The following PRR16 variants were observed in gnomAD, a reference collection of about 807,000 sequenced individuals.
The protein encoded by PRR16 is protein Largen.
PRR16 carries 6 observed loss-of-function variants against 18.2 expected under a neutral mutation model. The ratio of observed to expected loss-of-function variants is 0.33; its 90% confidence interval spans 0.18 to 0.65. The LOEUF is 0.65. Among genes scored for constraint, PRR16 ranks in the 30% least tolerant of loss-of-function variants. The probability of loss-of-function intolerance (pLI) is 0.74; values close to 1 mark genes in which losing one functional copy is unlikely to be tolerated. For synonymous variants in PRR16, 151 were observed against 147.8 expected, an observed-to-expected ratio of 1.02 and a Z score of -0.16; for missense variants, 412 against 376.6, an observed-to-expected ratio of 1.09 and a Z score of -0.78.
chr5:120,664,682 A>G lies in PRR16; in HGVS notation c.160-21272A>G, dbSNP rs1220446823. 2.6e-5 allele frequency among the ~76,000 whole-genome samples: 4 copies of G among 151,812 alleles called. 1 individual carries two copies. The highest frequency in any genetic ancestry group is 2.6e-4 in the Admixed American group (4 of 15,226). On this transcript the variant is annotated intron_variant, in intron 1 of 1. Coordinates refer to ENST00000407149, the MANE Select transcript of PRR16 (RefSeq NM_001300783.2). Reference sequence around the variant, plus strand: ...TCCATGTGTTCTCATTGTTCAATTCACGTCTATGAGTGAGAACATGCAGTG... The same window carrying G: ...TCCATGTGTTCTCATTGTTCAATTCGCGTCTATGAGTGAGAACATGCAGTG...
intron 1 of PRR16, among the ~76,000 whole-genome samples, chr5:120,545,283 A>G (rs1458148187): frequency 6.6e-6 from 1 of 152,126 alleles, no homozygotes. Flanking sequence ...GTTAGATAAT[A>G]ATTATACGTG....
At chr5:120,635,717 G>T (rs1182745437) in intron 1 of PRR16, among the ~76,000 whole-genome samples, 1 of 152,090 alleles carries the variant, frequency 6.6e-6, no homozygotes, top group Non-Finnish European at 1.5e-5. Context: ...ACAAGACAAG[G>T]ATGCTCACTT....
chr5:120,707,740 GAAGAA>G, the PRR16 span, among the ~76,000 whole-genome samples: 4 of 152,172 alleles, frequency 2.6e-5, no homozygotes, highest in Admixed American at 6.5e-5. Flanking sequence ...GATAGGGGAA[GAAGAA>G]AAGAACAAGT....
chr5:120,737,247 G>C, the PRR16 span, among the ~76,000 whole-genome samples: 2 of 149,384 alleles, frequency 1.3e-5, no homozygotes, highest in African/African-American at 4.9e-5. Flanking sequence ...GTTAGCTGTG[G>C]CTTTTACATA....
At chr5:120,724,318 A>C in the PRR16 span, among the ~76,000 whole-genome samples, 4 of 152,092 alleles carry the variant, frequency 2.6e-5, no homozygotes, top group African/African-American at 9.7e-5. Flanking sequence ...CAAGCGTTCA[A>C]ATTCTAACTC....
At chr5:120,585,196 A>G (rs970780663) in intron 1 of PRR16, among the ~76,000 whole-genome samples, 5 of 152,236 alleles carry the variant, frequency 3.3e-5, no homozygotes, top group Admixed American at 2.0e-4. Context: ...ATTGAGGGCT[A>G]TGCTTCTTAT....
chr5:120,568,365 A>G (rs1265576079), intron 1 of PRR16, among the ~76,000 whole-genome samples: 4 of 152,186 alleles, frequency 2.6e-5, no homozygotes, highest in African/African-American at 9.7e-5. Context: ...GTGGGGAATT[A>G]TTACCCCATG....
chr5:120,766,839 G>A, the PRR16 span, among the ~76,000 whole-genome samples: 3 of 151,852 alleles, frequency 2.0e-5, no homozygotes, highest in Non-Finnish European at 2.9e-5. Context: ...GAAAAAAATG[G>A]GGTTAGTATA....
chr5:120,716,944 G>C, the PRR16 span, among the ~76,000 whole-genome samples: 1 of 152,068 alleles, frequency 6.6e-6, no homozygotes, highest in Non-Finnish European at 1.5e-5. Flanking sequence ...AGGAGTGAGT[G>C]AATGAATCAA....
chr5:120,700,848 C>G, the PRR16 span, among the ~76,000 whole-genome samples: 3 of 152,162 alleles, frequency 2.0e-5, no homozygotes, highest in Non-Finnish European at 4.4e-5. Flanking sequence ...CGGGCAGTGT[C>G]AGTCTTCAGC....
At chr5:120,568,387 G>A (rs1752801169) in intron 1 of PRR16, among the ~76,000 whole-genome samples, 1 of 152,078 alleles carries the variant, frequency 6.6e-6, no homozygotes, top group Non-Finnish European at 1.5e-5. Context: ...AGCAAGAGAT[G>A]AACTTAATGT....
At chr5:120,671,121 A>C (rs1756587108) in intron 1 of PRR16, among the ~76,000 whole-genome samples, 1 of 152,072 alleles carries the variant, frequency 6.6e-6, no homozygotes. Context: ...ACATATACAC[A>C]CACACCATAC....
the PRR16 span, among the ~76,000 whole-genome samples, chr5:120,740,484 A>T: frequency 6.6e-6 from 1 of 152,134 alleles, no homozygotes; most frequent in Non-Finnish European, 1.5e-5. Context: ...AAAATACCAC[A>T]CTTTAGTACT....
At chr5:120,708,761 T>A in the PRR16 span, among the ~76,000 whole-genome samples, 2 of 152,086 alleles carry the variant, frequency 1.3e-5, no homozygotes, top group Non-Finnish European at 2.9e-5. Context: ...TAGATTTTTT[T>A]AAGAGTTTGT....
At chr5:120,594,029 A>G (rs567373590) in intron 1 of PRR16, among the ~76,000 whole-genome samples, 1 of 152,226 alleles carries the variant, frequency 6.6e-6, no homozygotes, top group East Asian at 1.9e-4. Context: ...CTTATGACAA[A>G]CCCACAGCTA....
At chr5:120,554,480 T>C (rs2112705388) in intron 1 of PRR16, among the ~76,000 whole-genome samples, 1 of 151,972 alleles carries the variant, frequency 6.6e-6, no homozygotes, top group South Asian at 2.1e-4. Context: ...TATGAGACAA[T>C]GGAATAGTAA....
chr5:120,497,384 A>T (rs868233857), intron 1 of PRR16, among the ~76,000 whole-genome samples: 1,279 of 84,184 alleles, frequency 0.015, 11 homozygotes, highest in Non-Finnish European at 0.022. Context: ...TGATGAACTG[A>T]TTTTTTTTTT....
chr5:120,632,695 A>T (rs1490403717), intron 1 of PRR16, among the ~76,000 whole-genome samples: 2 of 152,144 alleles, frequency 1.3e-5, no homozygotes, highest in African/African-American at 2.4e-5. Flanking sequence ...ATAGAATTTT[A>T]AAAAGATGAA....
intron 1 of PRR16, among the ~76,000 whole-genome samples, chr5:120,660,910 G>A (rs1756152721): frequency 6.6e-6 from 1 of 152,032 alleles, no homozygotes; most frequent in African/African-American, 2.4e-5. Context: ...ATATCGTCAA[G>A]TCATTTTGCT....
Sources: allele counts gnomAD v4.1 joint callset (sites outside exome capture counted in the v4.1 genomes callset), GRCh38; gene constraint gnomAD v4.1.1; transcripts MANE v1.5; gene names NCBI Gene and HGNC (gene_info 2026-07-23, HGNC 2026-07-21).